Variants in DLG2 observed in about 807,000 individuals in gnomAD.
DLG2 encodes discs large MAGUK scaffold protein 2.
DLG2 carries 45 observed loss-of-function variants against 132.5 expected under a neutral mutation model. The observed-to-expected ratio is 0.34, with a 90% confidence interval of 0.27 to 0.44. The LOEUF (loss-of-function observed/expected upper bound fraction) is 0.44. Ranked by LOEUF, DLG2 falls within the 20% of genes least tolerant of loss-of-function variation. The probability of loss-of-function intolerance (pLI) is 1.00; values close to 1 mark genes in which losing one functional copy is unlikely to be tolerated. For synonymous variants in DLG2, 424 were observed against 419.6 expected, an observed-to-expected ratio of 1.01 and a Z score of -0.13; for missense variants, 1,045 against 1,196.9, an observed-to-expected ratio of 0.87 and a Z score of 1.87.
chr11:83,904,826 TG>T (rs1441818741), intron 15 of DLG2, among the ~76,000 whole-genome samples: 1 of 152,168 alleles, frequency 6.6e-6, no homozygotes, highest in African/African-American at 2.4e-5. Flanking sequence ...TTCTTTGTGT[TG>T]CACTGTGGGA....
At chr11:84,950,539 T>A (rs1307531626) in intron 6 of DLG2, among the ~76,000 whole-genome samples, 1 of 152,176 alleles carries the variant, frequency 6.6e-6, no homozygotes, top group Non-Finnish European at 1.5e-5. Context: ...TATAAATCTA[T>A]ATACATTCAT....
chr11:83,787,585 T>G (rs1420085298), intron 17 of DLG2, among the ~76,000 whole-genome samples: 1 of 151,966 alleles, frequency 6.6e-6, no homozygotes, highest in Non-Finnish European at 1.5e-5. Context: ...CCTCCCAAAG[T>G]GCTGGGATTA....
rs2092395894 is a variant in DLG2 at position 84,915,463 on chromosome 11, T to C, written c.357+196198A>G. Among the ~76,000 whole-genome samples the C allele has an allele frequency of 2.6e-5, 4 of 152,218 alleles. No individual in the cohort carries two copies. In the South Asian group the frequency reaches 8.3e-4, roughly 31 times the overall value. On this transcript the variant is annotated intron_variant, in intron 6 of 27. Transcript: ENST00000376104. ...TTGCAATCCAGCATTTGGAAAATCT[T>C]TGGGTCTATATGTTACTTAAACAAC...
chr11:83,593,220 A>G (rs2097218420), intron 19 of DLG2, among the ~76,000 whole-genome samples: 2 of 148,098 alleles, frequency 1.4e-5, no homozygotes, highest in South Asian at 2.2e-4. Flanking sequence ...CATTATTCAC[A>G]ATAGCAAAGA....
chr11:85,061,504 T>C (rs2064130385), intron 6 of DLG2, among the ~76,000 whole-genome samples: 1 of 151,826 alleles, frequency 6.6e-6, no homozygotes, highest in South Asian at 2.1e-4. Flanking sequence ...AGGAGGCAAG[T>C]ATCATATAGT....
intron 6 of DLG2, among the ~76,000 whole-genome samples, chr11:84,961,566 G>A (rs893348624): frequency 7.2e-6 from 1 of 138,518 alleles, no homozygotes. Flanking sequence ...GTGTGTGTGT[G>A]TATGTGTATG....
At chr11:84,149,029 A>G (rs1338613613) in intron 9 of DLG2, among the ~76,000 whole-genome samples, 1 of 152,120 alleles carries the variant, frequency 6.6e-6, no homozygotes, top group Non-Finnish European at 1.5e-5. Flanking sequence ...CTTGAGAAGT[A>G]TCTGTTCATA....
At chr11:84,399,051 T>C (rs979462860) in intron 7 of DLG2, among the ~76,000 whole-genome samples, 2 of 152,212 alleles carry the variant, frequency 1.3e-5, no homozygotes, top group African/African-American at 4.8e-5. Context: ...GTTCAAAAAA[T>C]GAAGGAATCA....
chr11:85,441,369 C>A (rs1351444600), intron 3 of DLG2, among the ~76,000 whole-genome samples: 2 of 152,130 alleles, frequency 1.3e-5, no homozygotes, highest in African/African-American at 2.4e-5. Context: ...CATAACCAAT[C>A]CTTTATAATA....
At chr11:84,918,550 C>T (rs2092604922) in intron 6 of DLG2, among the ~76,000 whole-genome samples, 1 of 152,106 alleles carries the variant, frequency 6.6e-6, no homozygotes, top group Non-Finnish European at 1.5e-5. Flanking sequence ...TGGAAAAGAG[C>T]AATTTCACTG....
chr11:84,238,957 G>T (rs1322535252), intron 8 of DLG2, among the ~76,000 whole-genome samples: 1 of 151,982 alleles, frequency 6.6e-6, no homozygotes, highest in African/African-American at 2.4e-5. Flanking sequence ...CAATAAATTG[G>T]GCAGCCCACT....
intron 19 of DLG2, among the ~76,000 whole-genome samples, chr11:83,543,814 G>C (rs2141632735): frequency 6.6e-6 from 1 of 152,288 alleles, no homozygotes; most frequent in East Asian, 1.9e-4. Flanking sequence ...GCAAAAAGGA[G>C]TTAATGTAGC....
intron 6 of DLG2, among the ~76,000 whole-genome samples, chr11:85,000,854 G>A (rs545467175): frequency 8.4e-4 from 127 of 152,014 alleles, no homozygotes; most frequent in Non-Finnish European, 1.5e-3. Context: ...AATCTCATCT[G>A]AGAACACAGC....
intron 4 of DLG2, among the ~76,000 whole-genome samples, chr11:85,188,835 T>G (rs1304504490): frequency 6.6e-6 from 1 of 151,788 alleles, no homozygotes; most frequent in Non-Finnish European, 1.5e-5. Context: ...TGAAGAAAAA[T>G]TAACAGAGCC....
chr11:84,969,573 C>T (rs905954294), intron 6 of DLG2, among the ~76,000 whole-genome samples: 2 of 152,118 alleles, frequency 1.3e-5, no homozygotes, highest in Non-Finnish European at 2.9e-5. Context: ...CCAAAGAACA[C>T]AAAAGAAACT....
At chr11:85,606,961 TCA>T (rs1209060801) in intron 2 of DLG2, among the ~76,000 whole-genome samples, 1 of 152,094 alleles carries the variant, frequency 6.6e-6, no homozygotes, top group Non-Finnish European at 1.5e-5. Flanking sequence ...ACTGTAACAC[TCA>T]CCACGAGGGT....
intron 3 of DLG2, among the ~76,000 whole-genome samples, chr11:85,287,760 G>C (rs1438341453): frequency 2.6e-5 from 4 of 152,030 alleles, no homozygotes; most frequent in Non-Finnish European, 2.9e-5. Flanking sequence ...AAGTGAAATA[G>C]ATAAATTGTG....
chr11:84,673,397 A>T (rs1248219342), intron 6 of DLG2, among the ~76,000 whole-genome samples: 1 of 152,078 alleles, frequency 6.6e-6, no homozygotes, highest in Non-Finnish European at 1.5e-5. Flanking sequence ...ACAGACCTGA[A>T]TTTGAATCCT....
At chr11:84,655,270 T>C (rs533067315) in intron 6 of DLG2, among the ~76,000 whole-genome samples, 10 of 152,124 alleles carry the variant, frequency 6.6e-5, no homozygotes, top group Non-Finnish European at 8.8e-5. Context: ...AAGCAGAACA[T>C]TGACCTATAA....
Sources: allele counts gnomAD v4.1 joint callset (sites outside exome capture counted in the v4.1 genomes callset), GRCh38; gene constraint gnomAD v4.1.1; transcripts MANE v1.5; gene names NCBI Gene and HGNC (gene_info 2026-07-23, HGNC 2026-07-21).